Variants in NSD3 observed in about 807,000 individuals in gnomAD.
NSD3 encodes nuclear receptor binding SET domain protein 3.
A neutral mutation model predicts 160.8 loss-of-function variants in NSD3; 24 were observed. The observed-to-expected ratio is 0.15, with a 90% CI of 0.11 to 0.21. The LOEUF (loss-of-function observed/expected upper bound fraction) is 0.21, where lower values mean the gene tolerates loss of function less well. Among genes scored for constraint, NSD3 ranks in the 10% least tolerant of loss-of-function variants. The pLI, the probability that NSD3 is intolerant of heterozygous loss-of-function variation, is 1.00. For synonymous variants in NSD3, 520 were observed against 600.0 expected (o/e 0.87, Z 1.95); for missense variants, 1,157 against 1,735.9 (o/e 0.67, Z 5.93).
chr8:38,355,475 T>G (rs1810803012), intron 1 of NSD3, among the ~76,000 whole-genome samples: 1 of 151,998 alleles, frequency 6.6e-6, no homozygotes, highest in South Asian at 2.1e-4. Flanking sequence ...AATGTAAGAT[T>G]TTGTGAGTAA....
chr8:38,356,287 T>C (rs1019482544), intron 1 of NSD3, among the ~76,000 whole-genome samples: 6 of 152,142 alleles, frequency 3.9e-5, no homozygotes, highest in Non-Finnish European at 8.8e-5. Flanking sequence ...AAGTTGAAAA[T>C]TATCAATCAA....
At chr8:38,377,493 C>T (rs1811423501) in intron 1 of NSD3, among the ~76,000 whole-genome samples, 1 of 151,770 alleles carries the variant, frequency 6.6e-6, no homozygotes, top group Non-Finnish European at 1.5e-5. Flanking sequence ...CGATTACAGG[C>T]GCCGCCACCA....
chr8:38,308,556 T>C (rs1339647448), intron 12 of NSD3, among the ~76,000 whole-genome samples: 3 of 152,208 alleles, frequency 2.0e-5, no homozygotes, highest in Non-Finnish European at 4.4e-5. Flanking sequence ...CAGTGGCTCA[T>C]GCCTGTAATC....
intron 1 of NSD3, among the ~76,000 whole-genome samples, chr8:38,365,138 T>C (rs1391867018): frequency 6.6e-6 from 1 of 152,212 alleles, no homozygotes. Context: ...TTGTTTTTAA[T>C]TGAGTTCGCA....
At position 38,318,300 on chromosome 8, in the gene NSD3, T is replaced by C. The variant is rs544520243; in HGVS notation, c.1855+595A>G. On this transcript the variant is annotated intron_variant, in intron 9 of 23. Coordinates refer to ENST00000317025, the MANE Select transcript of NSD3 (RefSeq NM_023034.2). The surrounding 1 kb of genome is among the most constrained non-coding windows in gnomAD (Gnocchi z 5.3). ...TTTGATCTCACCAAAAACGCACGAA[T>C]CATGCTATGGAGTTTGTACTGTAGT... Among the ~76,000 whole-genome samples, 1 of 152,306 alleles carries C rather than the reference T, an allele frequency of 6.6e-6. No homozygotes were observed. The highest frequency in any genetic ancestry group is 1.9e-4 in the East Asian group (1 of 5,184).
rs924618209 is a variant in NSD3, at chr8:38,281,531, C to A, written c.3554G>T (p.Arg1185Ile). The part of the protein sequence containing the change: ...VGELIDEEEC[R>I]LRIKRAHENS... Reference sequence around the variant, plus strand: ...CTCGTGGGCTCGCTTGATTCGCAATCTGCATTCTTCTTCATCAATTAATTC... The same window carrying A: ...CTCGTGGGCTCGCTTGATTCGCAATATGCATTCTTCTTCATCAATTAATTC... Residue 1185 changes from arginine (R) to isoleucine (I), a missense_variant, in exon 20 of 24, where the codon AGA becomes ATA. This residue lies in a region of NSD3 where 222 missense variants were observed against 409.9 expected (regional missense o/e 0.54). Coordinates refer to ENST00000317025, the MANE Select transcript of NSD3 (RefSeq NM_023034.2). The A allele has an allele frequency of 6.2e-7, 1 of 1,607,514 alleles. No homozygotes were observed. The highest frequency in any genetic ancestry group is 8.5e-7 in the Non-Finnish European group (1 of 1,176,720).
Position 38,351,391 on chromosome 8 carries a change from G to A in NSD3, c.-44-3176C>T, listed in dbSNP as rs189454317. ...GTGAAGAAGGATCCTGAGGCCGGGC[G>A]CCGTGGCTCACATCTGTAATCCCAG... On this transcript the variant is annotated intron_variant, in intron 1 of 23. Coordinates refer to ENST00000317025, the MANE Select transcript of NSD3 (RefSeq NM_023034.2). 3.6e-4 allele frequency among the ~76,000 whole-genome samples: 54 copies of A among 150,618 alleles called. 1 individual carries two copies. Among genetic ancestry groups the A allele is most frequent in the African/African-American group, 4.9e-4 (20 of 41,090 alleles).
At chr8:38,342,963 G>A (rs1476624729) in intron 2 of NSD3, among the ~76,000 whole-genome samples, 4 of 152,008 alleles carry the variant, frequency 2.6e-5, no homozygotes, top group African/African-American at 9.7e-5. Flanking sequence ...AGGCCAAGGT[G>A]GGTGGATCAC....
intron 1 of NSD3, among the ~76,000 whole-genome samples, chr8:38,357,118 C>CAA (rs966483645): frequency 0.016 from 335 of 21,284 alleles, 38 homozygotes; most frequent in African/African-American, 0.061. Context: ...GACACCATCT[C>CAA]AAAAAAAAAA....
intron 1 of NSD3, among the ~76,000 whole-genome samples, chr8:38,350,148 G>C (rs150294323): frequency 7.2e-5 from 11 of 152,300 alleles, no homozygotes; most frequent in African/African-American, 2.4e-4. Context: ...ATAAACATAT[G>C]TGTGCGTGTG....
intron 8 of NSD3, chr8:38,320,161 T>TTGG (rs1383270023): frequency 6.6e-6 from 1 of 152,208 alleles, no homozygotes; most frequent in Non-Finnish European, 1.5e-5. Flanking sequence ...ACTGTTTCAC[T>TTGG]TGCTTGGTGA....
At chr8:38,296,557 G>A (rs1381173480) in intron 15 of NSD3, among the ~76,000 whole-genome samples, 1 of 152,078 alleles carries the variant, frequency 6.6e-6, no homozygotes, top group Non-Finnish European at 1.5e-5. Flanking sequence ...AGGCTATACA[G>A]CAGTGGTTTG....
At chr8:38,323,958 C>A (rs992342558) in intron 7 of NSD3, among the ~76,000 whole-genome samples, 14 of 152,078 alleles carry the variant, frequency 9.2e-5, no homozygotes, top group Non-Finnish European at 1.6e-4. Flanking sequence ...TAGGAAACTG[C>A]TGATTTCAAA....
At chr8:38,350,542 T>C (rs1022345870) in intron 1 of NSD3, among the ~76,000 whole-genome samples, 1 of 152,228 alleles carries the variant, frequency 6.6e-6, no homozygotes, top group Non-Finnish European at 1.5e-5. Context: ...TGTTTTTTTC[T>C]TGTAAATATG....
At chr8:38,327,802 A>AT (rs1440000829) in intron 6 of NSD3, among the ~76,000 whole-genome samples, 3 of 152,226 alleles carry the variant, frequency 2.0e-5, no homozygotes, top group Non-Finnish European at 4.4e-5. Flanking sequence ...ATGTGACCCA[A>AT]TAAGTAATCC....
At chr8:38,285,861 A>T (rs954009571) in intron 19 of NSD3, among the ~76,000 whole-genome samples, 1 of 152,014 alleles carries the variant, frequency 6.6e-6, no homozygotes, top group African/African-American at 2.4e-5. Context: ...TCCTGGCTCA[A>T]CTACAACCCC....
Position 38,319,772 on chromosome 8 carries a change from T to A in NSD3, c.1810-832A>T, listed in dbSNP as rs991673042. 5.9e-5 allele frequency: 9 copies of A among 152,268 alleles called. No homozygotes were observed. Among genetic ancestry groups the A allele is most frequent in the African/African-American group, 9.6e-5 (4 of 41,556 alleles). 9.4% of individuals were successfully genotyped at this position (152,268 alleles called of 1,614,324 possible). A position where few individuals can be genotyped will look rare whatever the true frequency, so the allele number is the denominator to read the frequency against. ...ATTGTTCTAAGCTTTTTAAAAAAAATTTTATTTTTTTTACAACAGGTAAAA... is the reference window on the plus strand; with the variant it reads ...ATTGTTCTAAGCTTTTTAAAAAAAAATTTATTTTTTTTACAACAGGTAAAA... On this transcript the variant is annotated intron_variant, in intron 8 of 23. Coordinates refer to ENST00000317025, the MANE Select transcript of NSD3 (RefSeq NM_023034.2). This position sits in a 1 kb window ranked among gnomAD's most constrained non-coding sequence, Gnocchi z 4.1.
chr8:38,314,533 G>C (rs1188324436), intron 12 of NSD3, 114 bp downstream of exon 12: 1 of 1,436,374 alleles, frequency 7.0e-7, no homozygotes, highest in East Asian at 2.4e-5. Flanking sequence ...TGGGAAGAGA[G>C]GAGGAGGGCT....
At chr8:38,327,003 T>A in intron 6 of NSD3, 147 bp from the exon 7 acceptor site, 1 of 900,202 alleles carries the variant, frequency 1.1e-6, no homozygotes, top group Non-Finnish European at 1.6e-6. Context: ...TTAGCCTTTA[T>A]CAGAAATTTG....
Sources: gnomAD v4.1 joint callset for allele counts (sites outside exome capture counted in the v4.1 genomes callset) on GRCh38, gnomAD v4.1.1 for gene constraint, gnomAD v4.1.1 regional missense constraint, Gnocchi (gnomAD v3.1) non-coding constraint, MANE v1.5 for transcripts, NCBI Gene and HGNC (gene_info 2026-07-23, HGNC 2026-07-21) for gene names.